The following SPATA17 variants were observed in gnomAD, a reference collection of about 807,000 sequenced individuals.
SPATA17 encodes the protein spermatogenesis-associated protein 17.
SPATA17 carries 53 observed loss-of-function variants against 62.2 expected under a neutral mutation model. The ratio of observed to expected loss-of-function variants is 0.85; its 90% CI spans 0.68 to 1.07. The LOEUF (loss-of-function observed/expected upper bound fraction) is 1.07, where lower values mean the gene tolerates loss of function less well. Among genes scored for constraint, SPATA17 ranks in the 50% least tolerant of loss-of-function variants. The probability of loss-of-function intolerance (pLI) is 0.00; values close to 1 mark genes in which losing one functional copy is unlikely to be tolerated. For missense variants in SPATA17, 466 were observed against 425.5 expected (o/e 1.10, Z -0.84); for synonymous variants, 146 against 146.8 (o/e 0.99, Z 0.04).
At chr1:217,683,445 A>T in intron 5 of SPATA17, 84 bp downstream of exon 5, 3 of 907,456 alleles carry the variant, frequency 3.3e-6, no homozygotes, top group South Asian at 2.9e-5. Context: ...AGTTAGAAAT[A>T]TTTTTTTGTT....
chr1:217,717,031 C>A (rs1395798364), intron 5 of SPATA17, among the ~76,000 whole-genome samples: 1 of 152,196 alleles, frequency 6.6e-6, no homozygotes, highest in African/African-American at 2.4e-5. Context: ...CCAGACCACA[C>A]TGCCTCTTTA....
At chr1:217,824,974 A>G (rs1674954722) in intron 9 of SPATA17, among the ~76,000 whole-genome samples, 1 of 151,110 alleles carries the variant, frequency 6.6e-6, no homozygotes, top group African/African-American at 2.4e-5. Context: ...ACATACATAT[A>G]CATACAATTC....
rs573954776 is a variant in SPATA17 at position 217,777,960 on chromosome 1, A to G, written c.723+3423A>G. Among the ~76,000 whole-genome samples, 293 of 152,324 alleles carry G rather than the reference A, an allele frequency of 1.9e-3. 2 individuals are homozygous for G. The highest frequency in any genetic ancestry group is 6.8e-3 in the Middle Eastern group (2 of 294). On this transcript the variant is annotated intron_variant, in intron 7 of 10. Transcript: ENST00000366933. ...TAAATGTAAATATAAAATGAATTTT[A>G]TATTATGAATAATTGAATTTTTGCT...
chr1:217,817,514 C>T (rs1015710650), intron 9 of SPATA17, among the ~76,000 whole-genome samples: 5 of 152,036 alleles, frequency 3.3e-5, no homozygotes, highest in Admixed American at 6.6e-5. Flanking sequence ...AATTAAACCT[C>T]TTTCCTTTAT....
At chr1:217,780,467 T>G (rs147547006) in intron 7 of SPATA17, among the ~76,000 whole-genome samples, 1 of 152,292 alleles carries the variant, frequency 6.6e-6, no homozygotes, top group African/African-American at 2.4e-5. Flanking sequence ...TAAGCAGGGC[T>G]TCTTCTCTTT....
chr1:217,685,188 G>C (rs1385725414), intron 5 of SPATA17, among the ~76,000 whole-genome samples: 1 of 152,088 alleles, frequency 6.6e-6, no homozygotes, highest in Non-Finnish European at 1.5e-5. Flanking sequence ...CACTCTCAGG[G>C]TCACACGATT....
In SPATA17 at chr1:217,850,376, G is replaced by A. The variant is rs1675620832; in HGVS notation, c.1006-12398G>A. On this transcript the variant is annotated intron_variant, in intron 9 of 10. Coordinates refer to ENST00000366933, the MANE Select transcript of SPATA17 (RefSeq NM_138796.4). The stretch of plus-strand genomic sequence containing the variant: ...TAGTGCAGTGTAATGCCATCACTGA[G>A]CACTGCAAATGCAAGACTGAAGAAC... 7 of 881,556 alleles carry A rather than the reference G, an allele frequency of 7.9e-6. No homozygotes were observed. In the Admixed American group the frequency reaches 8.3e-5, roughly 10 times the overall value. 54.6% of individuals were successfully genotyped at this position (881,556 alleles called of 1,614,324 possible).
rs777587125 is a variant in SPATA17, at chr1:217,642,560, G to A, written c.69-6322G>A. Reference sequence around the variant, plus strand: ...TCCCCACCAGATCTCATCTCGAATTGAAATCCCCCTAATCCTTACGTGTTG... The same window carrying A: ...TCCCCACCAGATCTCATCTCGAATTAAAATCCCCCTAATCCTTACGTGTTG... On this transcript the variant is annotated intron_variant, in intron 1 of 10. Transcript: ENST00000366933. Among the ~76,000 whole-genome samples the A allele has an allele frequency of 3.7e-4, 56 of 152,122 alleles. 1 individual carries two copies. Among genetic ancestry groups the A allele is most frequent in the Non-Finnish European group, 7.3e-5 (5 of 68,028 alleles).
At chr1:217,690,904 G>T (rs1671338127) in intron 5 of SPATA17, among the ~76,000 whole-genome samples, 1 of 146,582 alleles carries the variant, frequency 6.8e-6, no homozygotes, top group Non-Finnish European at 1.5e-5. Flanking sequence ...GGACATTTGG[G>T]TTGGTTCCAA....
intron 9 of SPATA17, among the ~76,000 whole-genome samples, chr1:217,804,817 G>C (rs1674395498): frequency 1.3e-5 from 2 of 152,282 alleles, no homozygotes; most frequent in South Asian, 4.1e-4. Context: ...TCAGGGAAAT[G>C]CAAACAGAAA....
intron 9 of SPATA17, among the ~76,000 whole-genome samples, chr1:217,818,758 T>A (rs1221512553): frequency 6.6e-6 from 1 of 151,848 alleles, no homozygotes; most frequent in Non-Finnish European, 1.5e-5. Flanking sequence ...TAGTTTTAAA[T>A]ATTCTTTTTT....
At chr1:217,748,568 C>A (rs1381390460) in intron 6 of SPATA17, among the ~76,000 whole-genome samples, 1 of 151,550 alleles carries the variant, frequency 6.6e-6, no homozygotes, top group Non-Finnish European at 1.5e-5. Context: ...CATGGTGAAA[C>A]CCCGTCTCTA....
At chr1:217,768,264 T>C (rs1405031243) in intron 6 of SPATA17, among the ~76,000 whole-genome samples, 1 of 151,892 alleles carries the variant, frequency 6.6e-6, no homozygotes, top group African/African-American at 2.4e-5. Context: ...ATAAAGGAGA[T>C]GTGAAAAACA....
intron 3 of SPATA17, among the ~76,000 whole-genome samples, chr1:217,652,434 A>G (rs1055070510): frequency 2.0e-5 from 3 of 151,950 alleles, no homozygotes; most frequent in African/African-American, 7.3e-5. Context: ...GGGTTTCACC[A>G]TGTTGGCCAA....
At chr1:217,850,628 C>A in intron 9 of SPATA17, 1 of 1,591,816 alleles carries the variant, frequency 6.3e-7, no homozygotes, top group East Asian at 2.2e-5. Context: ...TCACGAAGAT[C>A]TGCATTTTGA....
chr1:217,752,312 GC>G (rs1214490581), intron 6 of SPATA17, among the ~76,000 whole-genome samples: 1 of 152,108 alleles, frequency 6.6e-6, no homozygotes, highest in Non-Finnish European at 1.5e-5. Flanking sequence ...ACAGGCATGA[GC>G]CACCACACCT....
At chr1:217,778,820 T>C (rs1673664236) in intron 7 of SPATA17, among the ~76,000 whole-genome samples, 2 of 152,180 alleles carry the variant, frequency 1.3e-5, no homozygotes, top group African/African-American at 4.8e-5. Context: ...TTTAATATAC[T>C]TTTAATGATG....
chr1:217,836,648 G>C (rs549009169), intron 9 of SPATA17, among the ~76,000 whole-genome samples: 9 of 152,168 alleles, frequency 5.9e-5, no homozygotes, highest in African/African-American at 1.9e-4. Context: ...GGCTTCTCTT[G>C]TTTGTATTAT....
chr1:217,688,044 T>C (rs1671260090), intron 5 of SPATA17, among the ~76,000 whole-genome samples: 1 of 152,250 alleles, frequency 6.6e-6, no homozygotes, highest in African/African-American at 2.4e-5. Context: ...TTCAGCTTCA[T>C]TGAAAATTGA....
Sources: allele counts gnomAD v4.1 joint callset (sites outside exome capture counted in the v4.1 genomes callset), GRCh38; gene constraint gnomAD v4.1.1; transcripts MANE v1.5; gene names NCBI Gene and HGNC (gene_info 2026-07-23, HGNC 2026-07-21).